The following TNRC6A variants were observed in gnomAD, a reference collection of about 807,000 sequenced individuals.
TNRC6A encodes trinucleotide repeat-containing gene 6A protein.
A neutral mutation model predicts 221.2 loss-of-function variants in TNRC6A; 44 were observed. The ratio of observed to expected loss-of-function variants is 0.20; its 90% confidence interval spans 0.16 to 0.26. The LOEUF (loss-of-function observed/expected upper bound fraction) is 0.26. Among genes scored for constraint, TNRC6A ranks in the 10% least tolerant of loss-of-function variants. The pLI is 1.00. For missense variants in TNRC6A, 2,199 were observed against 2,404.4 expected (o/e 0.91, Z 1.79); for synonymous variants, 847 against 838.5 (o/e 1.01, Z -0.18).
intron 2 of TNRC6A, among the ~76,000 whole-genome samples, chr16:24,706,983 A>T (rs943256407): frequency 8.9e-5 from 9 of 101,642 alleles, no homozygotes; most frequent in Non-Finnish European, 2.3e-4. Context: ...ATCTATTTTT[A>T]TTTATGTATT....
chr16:24,687,342 G>A lies in TNRC6A; in HGVS notation n.402+46333G>A, dbSNP rs2055647608. 2.0e-5 allele frequency among the ~76,000 whole-genome samples: 3 copies of A among 152,304 alleles called. No homozygotes were observed. The South Asian group carries it at 6.2e-4, about 32-fold the overall frequency. On this transcript the variant is annotated intron_variant and non_coding_transcript_variant, in intron 2 of 2. Coordinates refer to the TNRC6A transcript ENST00000566108. ...AAGCCCAAGGAGGTGGAACTCAGTG[G>A]ATGTGTGGATGATGAATGACTAAAG... is the stretch of plus-strand genomic sequence containing the variant.
At chr16:24,756,559 G>A (rs1329543403) in intron 3 of TNRC6A, among the ~76,000 whole-genome samples, 1 of 152,196 alleles carries the variant, frequency 6.6e-6, no homozygotes, top group Non-Finnish European at 1.5e-5. Flanking sequence ...AATACTGAAT[G>A]AGGTTGACCG....
rs149007667 is a variant in TNRC6A at position 24,729,991 on chromosome 16, G to C, written c.5+145G>C. The C allele has an allele frequency of 0.029, 22,435 of 769,942 alleles. 2,191 individuals carry two copies. In the East Asian group the frequency reaches 0.37, roughly 13 times the overall value. The allele number at this position is 769,942 out of a possible 1,614,324, so 47.7% of individuals were successfully genotyped here. ...TCGGCGGGAGGGCGCAGGCTGCGTT[G>C]CTGCGGAGGCCGAGCGGGCGGCCCG... On this transcript the variant is annotated intron_variant, in intron 1 of 24. Coordinates refer to ENST00000395799, the MANE Select transcript of TNRC6A (RefSeq NM_014494.4).
intron 2 of TNRC6A, among the ~76,000 whole-genome samples, chr16:24,649,106 C>T (rs1285455569): frequency 1.3e-5 from 2 of 151,644 alleles, no homozygotes; most frequent in African/African-American, 2.4e-5. Flanking sequence ...CATAGTGAGA[C>T]CCTGTCTCTA....
chr16:24,679,084 C>T (rs981403292), intron 2 of TNRC6A, among the ~76,000 whole-genome samples: 3 of 151,130 alleles, frequency 2.0e-5, no homozygotes, highest in Non-Finnish European at 3.0e-5. Flanking sequence ...CCGCAACCTC[C>T]GCCTCCCAGA....
At chr16:24,733,231 A>T (rs1478202269) in intron 2 of TNRC6A, among the ~76,000 whole-genome samples, 2 of 152,196 alleles carry the variant, frequency 1.3e-5, no homozygotes, top group African/African-American at 4.8e-5. Flanking sequence ...AAATCTTTTA[A>T]TAACATGGAA....
intron 4 of TNRC6A, among the ~76,000 whole-genome samples, chr16:24,773,606 G>A (rs919523973): frequency 2.0e-5 from 3 of 152,130 alleles, no homozygotes; most frequent in African/African-American, 4.8e-5. Context: ...TCAAAAAGAT[G>A]TTACCTGTTT....
chr16:24,770,540 A>T (rs937712357), intron 4 of TNRC6A, among the ~76,000 whole-genome samples: 2 of 152,188 alleles, frequency 1.3e-5, no homozygotes, highest in Non-Finnish European at 1.5e-5. Context: ...GACTAGATAC[A>T]GGGGAGTAGG....
At chr16:24,641,185 C>T (rs1403798696) in intron 2 of TNRC6A, among the ~76,000 whole-genome samples, 2 of 152,146 alleles carry the variant, frequency 1.3e-5, no homozygotes, top group Non-Finnish European at 2.9e-5. Context: ...ACCTCACGAT[C>T]CTGGGACAGA....
intron 5 of TNRC6A, among the ~76,000 whole-genome samples, chr16:24,783,378 C>G (rs2151798652): frequency 6.6e-6 from 1 of 152,268 alleles, no homozygotes; most frequent in Non-Finnish European, 1.5e-5. Flanking sequence ...ATATGCCCAC[C>G]TCGGCCTCCC....
intron 9 of TNRC6A, 134 bp downstream of exon 9, chr16:24,796,073 T>C: frequency 1.1e-6 from 1 of 947,112 alleles, no homozygotes; most frequent in Non-Finnish European, 1.7e-6. Context: ...TACACTAAGA[T>C]ATGAGTTTCA....
intron 18 of TNRC6A, among the ~76,000 whole-genome samples, chr16:24,811,738 G>T (rs1431615003): frequency 6.6e-6 from 1 of 152,016 alleles, no homozygotes; most frequent in Non-Finnish European, 1.5e-5. Context: ...AGGAGCTGTG[G>T]AGGAAGTGGA....
intron 2 of TNRC6A, among the ~76,000 whole-genome samples, chr16:24,707,823 C>T (rs1314314113): frequency 1.3e-5 from 2 of 152,146 alleles, no homozygotes; most frequent in East Asian, 3.9e-4. Context: ...CTCTGGGAGG[C>T]CAAGGTGGGT....
At chr16:24,761,046 T>C (rs890743102) in intron 4 of TNRC6A, among the ~76,000 whole-genome samples, 9 of 152,240 alleles carry the variant, frequency 5.9e-5, no homozygotes, top group African/African-American at 2.2e-4. Context: ...CAGAAGAGTC[T>C]GCCTATTCCA....
Position 24,802,417 on chromosome 16 carries a change from T to C in TNRC6A, c.3695-1760T>C, listed in dbSNP as rs145939234. On this transcript the variant is annotated intron_variant, in intron 11 of 24. Coordinates refer to ENST00000395799, the MANE Select transcript of TNRC6A (RefSeq NM_014494.4). Reference sequence around the variant, plus strand: ...TGCAAAAATTAGCTGGGGGTGGTGGTACATACCTCTGGGCCCAGCTACTCA... The same window carrying C: ...TGCAAAAATTAGCTGGGGGTGGTGGCACATACCTCTGGGCCCAGCTACTCA... Among the ~76,000 whole-genome samples the C allele has an allele frequency of 3.2e-4, 49 of 152,104 alleles. No individual in the cohort carries two copies. The East Asian group carries it at 6.2e-3, about 19-fold the overall frequency.
At chr16:24,681,193 G>T (rs1223413280) in intron 2 of TNRC6A, among the ~76,000 whole-genome samples, 2 of 151,926 alleles carry the variant, frequency 1.3e-5, no homozygotes, top group East Asian at 3.9e-4. Context: ...TAGATAAAAA[G>T]GATCCTATTT....
At chr16:24,759,823 AGAG>A (rs559781806) in intron 4 of TNRC6A, among the ~76,000 whole-genome samples, 17 of 152,316 alleles carry the variant, frequency 1.1e-4, no homozygotes, top group African/African-American at 3.8e-4. Context: ...TGAGATCAGA[AGAG>A]GAGTTGAAGG....
At chr16:24,737,904 T>C (rs1035139158) in intron 2 of TNRC6A, among the ~76,000 whole-genome samples, 2 of 152,224 alleles carry the variant, frequency 1.3e-5, no homozygotes, top group Non-Finnish European at 2.9e-5. Context: ...TAAATGTCCT[T>C]TTAAATATCA....
chr16:24,656,424 G>A (rs1163450060), intron 2 of TNRC6A, among the ~76,000 whole-genome samples: 1 of 142,598 alleles, frequency 7.0e-6, no homozygotes, highest in Non-Finnish European at 1.5e-5. Context: ...CCAAGATCGT[G>A]CCACTGCACT....
Sources: allele counts gnomAD v4.1 joint callset (sites outside exome capture counted in the v4.1 genomes callset), GRCh38; gene constraint gnomAD v4.1.1; transcripts MANE v1.5; gene names NCBI Gene and HGNC (gene_info 2026-07-23, HGNC 2026-07-21).